The following MLLT10 variants were observed in gnomAD, a reference collection of about 807,000 sequenced individuals.
The protein encoded by MLLT10 is MLLT10 histone lysine methyltransferase DOT1L cofactor.
Under a neutral mutation model 129.1 loss-of-function variants are expected in MLLT10, and 30 were observed. The observed-to-expected ratio is 0.23, with a 90% CI of 0.17 to 0.32. The LOEUF is 0.32. Ranked by LOEUF, MLLT10 falls within the 10% of genes least tolerant of loss-of-function variation. The probability of loss-of-function intolerance (pLI) is 1.00; values close to 1 mark genes in which losing one functional copy is unlikely to be tolerated. For missense variants in MLLT10, 1,119 were observed against 1,268.3 expected (o/e 0.88, Z 1.79); for synonymous variants, 490 against 446.4 (o/e 1.10, Z -1.23).
intron 6 of MLLT10, among the ~76,000 whole-genome samples, chr10:21,614,147 G>C (rs2044979919): frequency 6.7e-6 from 1 of 150,128 alleles, no homozygotes; most frequent in African/African-American, 2.5e-5. Flanking sequence ...GAGCCCAGGA[G>C]GTTAAGGCTG....
At chr10:21,685,976 G>A (rs1421400370) in intron 13 of MLLT10, among the ~76,000 whole-genome samples, 1 of 152,112 alleles carries the variant, frequency 6.6e-6, no homozygotes, top group African/African-American at 2.4e-5. Flanking sequence ...AAATACTAGA[G>A]CAAAACCATC....
At chr10:21,670,743 A>G in intron 10 of MLLT10, 39 bp downstream of exon 10, 1 of 1,570,040 alleles carries the variant, frequency 6.4e-7, no homozygotes, top group Non-Finnish European at 8.6e-7. Context: ...TGTGTTTAAG[A>G]TGGTTAATAA....
intron 4 of MLLT10, 35 bp downstream of exon 4, chr10:21,586,383 G>A: frequency 7.1e-7 from 1 of 1,406,160 alleles, no homozygotes; most frequent in Non-Finnish European, 9.8e-7. Flanking sequence ...AAATTTTATT[G>A]AAAACTGGGA....
intron 4 of MLLT10, among the ~76,000 whole-genome samples, chr10:21,586,650 G>T (rs2042011458): frequency 6.6e-6 from 1 of 152,112 alleles, no homozygotes; most frequent in African/African-American, 2.4e-5. Context: ...CACTTTGGGA[G>T]GCCAAGGGAG....
At chr10:21,675,148 G>A (rs2051953978) in intron 11 of MLLT10, among the ~76,000 whole-genome samples, 1 of 152,188 alleles carries the variant, frequency 6.6e-6, no homozygotes, top group Non-Finnish European at 1.5e-5. Flanking sequence ...TGGTAACACT[G>A]AGGCTTTGAA....
intron 13 of MLLT10, chr10:21,688,539 G>T (rs2053520558): frequency 5.6e-6 from 9 of 1,611,064 alleles, no homozygotes; most frequent in Non-Finnish European, 7.6e-6. Context: ...AAATTCATAG[G>T]TATGTACCAA....
At chr10:21,555,342 C>T (rs1439276433) in intron 3 of MLLT10, among the ~76,000 whole-genome samples, 1 of 152,126 alleles carries the variant, frequency 6.6e-6, no homozygotes, top group Non-Finnish European at 1.5e-5. Context: ...CCCTTCTCAG[C>T]CTCCTCAGTA....
At chr10:21,593,040 T>G (rs921887213) in intron 4 of MLLT10, among the ~76,000 whole-genome samples, 6 of 152,196 alleles carry the variant, frequency 3.9e-5, no homozygotes, top group African/African-American at 1.4e-4. Flanking sequence ...TCTGACCTGT[T>G]TTGTTCCTAC....
intron 1 of MLLT10, 27 bp downstream of exon 1, chr10:21,534,547 G>A (rs1380577360): frequency 4.4e-6 from 6 of 1,348,844 alleles, no homozygotes; most frequent in Non-Finnish European, 6.0e-6. Flanking sequence ...CTGCCGGGCC[G>A]GGCGGGGGGC....
chr10:21,594,726 C>T (rs2042868890), intron 4 of MLLT10, among the ~76,000 whole-genome samples: 3 of 150,044 alleles, frequency 2.0e-5, no homozygotes, highest in Admixed American at 1.3e-4. Context: ...TACCTTCAGT[C>T]GGGAGGCTGA....
chr10:21,607,798 A>G (rs180839189), intron 5 of MLLT10, among the ~76,000 whole-genome samples: 40 of 152,190 alleles, frequency 2.6e-4, no homozygotes, highest in Non-Finnish European at 5.0e-4. Flanking sequence ...TACTTCCTAC[A>G]TGGTCCTTAT....
At chr10:21,639,219 G>T (rs2131288926) in intron 8 of MLLT10, among the ~76,000 whole-genome samples, 1 of 152,304 alleles carries the variant, frequency 6.6e-6, no homozygotes, top group Admixed American at 6.5e-5. Context: ...ACCCATAAAT[G>T]TATGGGGATT....
At chr10:21,608,005 G>A (rs2044229822) in intron 5 of MLLT10, among the ~76,000 whole-genome samples, 2 of 148,732 alleles carry the variant, frequency 1.3e-5, no homozygotes, top group African/African-American at 2.5e-5. Flanking sequence ...TGATTTACAG[G>A]TGTTTTTTTT....
At chr10:21,663,378 CT>C (rs776512240) in intron 9 of MLLT10, among the ~76,000 whole-genome samples, 265 of 139,852 alleles carry the variant, frequency 1.9e-3, no homozygotes, top group Middle Eastern at 3.7e-3. Flanking sequence ...TTTGTCTTTC[CT>C]TTTTTTTTTT....
At chr10:21,729,458 T>C (rs1012575193) in intron 16 of MLLT10, among the ~76,000 whole-genome samples, 4 of 152,260 alleles carry the variant, frequency 2.6e-5, no homozygotes, top group African/African-American at 9.6e-5. Context: ...ATTATCCTGG[T>C]ATAGTGTACT....
chr10:21,606,680 C>A (rs2044100446), intron 5 of MLLT10, among the ~76,000 whole-genome samples: 1 of 152,150 alleles, frequency 6.6e-6, no homozygotes, highest in African/African-American at 2.4e-5. Context: ...GACTGAATTG[C>A]TGCAATCTCA....
At chr10:21,703,160 T>G (rs1360874483) in intron 13 of MLLT10, among the ~76,000 whole-genome samples, 1 of 152,192 alleles carries the variant, frequency 6.6e-6, no homozygotes, top group Non-Finnish European at 1.5e-5. Context: ...TAGAATTCCC[T>G]TGAGCATTTC....
chr10:21,594,984 G>T (rs1188625224), intron 4 of MLLT10, among the ~76,000 whole-genome samples: 1 of 152,076 alleles, frequency 6.6e-6, no homozygotes, highest in Non-Finnish European at 1.5e-5. Context: ...TTTGTCGTAA[G>T]TATTAAACTT....
chr10:21,693,532 C>T lies in MLLT10; in HGVS notation c.1699+11275C>T, dbSNP rs1253068684. On this transcript the variant is annotated intron_variant, in intron 13 of 22. Transcript: ENST00000307729. ...CTTATTCCTATTTGTGCGCCTACCC[C>T]TGAAACTGTTCTACAAGCACACACT... is the stretch of plus-strand genomic sequence containing the variant. Among the ~76,000 whole-genome samples the T allele has an allele frequency of 7.2e-5, 11 of 152,008 alleles. 1 individual carries two copies. Among genetic ancestry groups the T allele is most frequent in the Admixed American group, 7.2e-4 (11 of 15,262 alleles).
Sources: allele counts gnomAD v4.1 joint callset (sites outside exome capture counted in the v4.1 genomes callset), GRCh38; gene constraint gnomAD v4.1.1; transcripts MANE v1.5; gene names NCBI Gene and HGNC (gene_info 2026-07-23, HGNC 2026-07-21).